Variants in SWT1 observed in about 807,000 individuals in gnomAD.
SWT1 encodes the protein SWT1 RNA endoribonuclease homolog, also known as transcriptional protein SWT1.
In SWT1, 33 loss-of-function variants were observed where a neutral mutation model predicts 107.3. The observed-to-expected ratio is 0.31, with a 90% CI of 0.23 to 0.41. SWT1 has a LOEUF of 0.41. Among genes scored for constraint, SWT1 ranks in the 10% least tolerant of loss-of-function variants. The pLI is 1.00. For missense variants in SWT1, 898 were observed against 1,028.9 expected (o/e 0.87, Z 1.74); for synonymous variants, 345 against 348.3 (o/e 0.99, Z 0.11).
chr1:185,226,854 T>A, intron 15 of SWT1: 1 of 1,533,686 alleles, frequency 6.5e-7, no homozygotes, highest in Non-Finnish European at 8.8e-7. Flanking sequence ...TGCCTTCTTT[T>A]GAGCTACCCG....
At chr1:185,180,256 C>T (rs1035931646) in intron 5 of SWT1, 135 bp from the exon 6 acceptor site, 2 of 672,774 alleles carry the variant, frequency 3.0e-6, no homozygotes, top group Non-Finnish European at 5.3e-6. Flanking sequence ...GTCAGTGATG[C>T]TGCTAACCAT....
chr1:185,235,091 A>G (rs1660769536), intron 16 of SWT1, among the ~76,000 whole-genome samples: 1 of 152,144 alleles, frequency 6.6e-6, no homozygotes, highest in East Asian at 1.9e-4. Flanking sequence ...ACCAAAAGAA[A>G]AGTCCAGGAC....
At chr1:185,278,707 A>G (rs1408739801) in intron 18 of SWT1, among the ~76,000 whole-genome samples, 2 of 152,234 alleles carry the variant, frequency 1.3e-5, no homozygotes, top group Admixed American at 6.5e-5. Context: ...ACTGCATTGT[A>G]TAGTCATGCA....
chr1:185,178,905 A>G (rs1428068715), intron 5 of SWT1, among the ~76,000 whole-genome samples: 1 of 152,196 alleles, frequency 6.6e-6, no homozygotes, highest in Non-Finnish European at 1.5e-5. Flanking sequence ...TTTCCCAGTA[A>G]AGCATTTAGC....
chr1:185,217,387 A>G (rs978599556), intron 14 of SWT1, among the ~76,000 whole-genome samples: 1 of 152,160 alleles, frequency 6.6e-6, no homozygotes, highest in Non-Finnish European at 1.5e-5. Flanking sequence ...TTGTCAGATC[A>G]GCAGTGGGAT....
intron 11 of SWT1, 111 bp from the exon 12 acceptor site, chr1:185,204,589 A>G (rs1022677889): frequency 2.2e-6 from 1 of 460,912 alleles, no homozygotes; most frequent in African/African-American, 2.0e-5. Context: ...TGTTTTATAT[A>G]TAATTAAAAT....
rs1236381496 is a variant in SWT1, at chr1:185,180,184, T to TA, written c.967-198dup. ...GGGTGACAGAGTGAGACCCTGTCTT[T>TA]AAAAAAAAAGTTTGGGAGTAGGGGT... On this transcript the variant is annotated intron_variant, in intron 5 of 18. Coordinates refer to ENST00000367500, the MANE Select transcript of SWT1 (RefSeq NM_017673.7). Among the ~76,000 whole-genome samples the TA allele has an allele frequency of 4.6e-5, 7 of 151,312 alleles. No individual in the cohort carries two copies. In the East Asian group the frequency reaches 1.2e-3, roughly 25 times the overall value.
At chr1:185,187,236 T>A (rs1656565500) in intron 9 of SWT1, among the ~76,000 whole-genome samples, 1 of 151,132 alleles carries the variant, frequency 6.6e-6, no homozygotes, top group Admixed American at 6.6e-5. Context: ...ATTTTTGTAT[T>A]TTTAGTAGAG....
chr1:185,190,625 T>C lies in SWT1; in HGVS notation c.1506T>C (p.Ser502=). The C allele has an allele frequency of 6.2e-7, 1 of 1,605,062 alleles. No homozygotes were observed. The highest frequency in any genetic ancestry group is 8.5e-7 in the Non-Finnish European group (1 of 1,172,134). Residue 502 remains serine (S), a synonymous_variant, in exon 10 of 19, where the codon TCT becomes TCC. Transcript: ENST00000367500. Reference sequence around the variant, plus strand: ...AGCACCAGGAATTATTCCCTTGTTCTTTTGTTATTCTGTGCACGTGAGTTT... The same window carrying C: ...AGCACCAGGAATTATTCCCTTGTTCCTTTGTTATTCTGTGCACGTGAGTTT... ...CLQHQELFPC[S]FVILCTDDRN...
At chr1:185,211,521 A>C (rs1658804674) in intron 13 of SWT1, among the ~76,000 whole-genome samples, 1 of 152,202 alleles carries the variant, frequency 6.6e-6, no homozygotes, top group Non-Finnish European at 1.5e-5. Context: ...ATGGAGCAAC[A>C]TATTGGACAT....
chr1:185,175,932 A>G (rs1204603062), intron 5 of SWT1, among the ~76,000 whole-genome samples: 4 of 152,232 alleles, frequency 2.6e-5, no homozygotes, highest in Admixed American at 2.0e-4. Context: ...TCACTTAATA[A>G]GAGAATACAC....
intron 7 of SWT1, among the ~76,000 whole-genome samples, chr1:185,182,668 CAAAAAAAAA>C (rs59326029): frequency 3.0e-5 from 2 of 67,022 alleles, no homozygotes; most frequent in South Asian, 1.2e-3. Context: ...CTCTCTCTCT[CAAAAAAAAA>C]AAAAAAAAAA....
At chr1:185,218,410 A>C (rs1659387817) in intron 14 of SWT1, among the ~76,000 whole-genome samples, 1 of 152,142 alleles carries the variant, frequency 6.6e-6, no homozygotes, top group African/African-American at 2.4e-5. Context: ...CCTCGTGTCA[A>C]ATGATCCTCC....
At chr1:185,262,434 T>A (rs1275862622) in intron 16 of SWT1, 1 of 152,216 alleles carries the variant, frequency 6.6e-6, no homozygotes, top group Non-Finnish European at 1.5e-5. Flanking sequence ...ATTTAACAAC[T>A]AACTACTCAG....
At chr1:185,265,048 TTAAAAAA>T (rs1663276294) in intron 16 of SWT1, among the ~76,000 whole-genome samples, 1 of 152,110 alleles carries the variant, frequency 6.6e-6, no homozygotes, top group African/African-American at 2.4e-5. Context: ...CACCACCAAC[TTAAAAAA>T]TAAAAGATTT....
At chr1:185,258,005 T>C (rs971924537) in intron 16 of SWT1, 3 of 152,242 alleles carry the variant, frequency 2.0e-5, no homozygotes, top group African/African-American at 4.8e-5. Context: ...GCCACTACAC[T>C]TGGATCAGCC....
intron 13 of SWT1, among the ~76,000 whole-genome samples, chr1:185,212,322 G>C (rs1271775855): frequency 6.6e-6 from 1 of 152,104 alleles, no homozygotes; most frequent in Non-Finnish European, 1.5e-5. Context: ...TGATCTCAAA[G>C]TTAGTGTAAA....
chr1:185,240,737 A>G (rs1661202366), intron 16 of SWT1, among the ~76,000 whole-genome samples: 1 of 152,058 alleles, frequency 6.6e-6, no homozygotes, highest in Non-Finnish European at 1.5e-5. Context: ...TTGTGGCTTT[A>G]GTTTGGAATA....
At chr1:185,165,068 T>A (rs1207296831) in intron 2 of SWT1, among the ~76,000 whole-genome samples, 2 of 152,176 alleles carry the variant, frequency 1.3e-5, no homozygotes, top group Non-Finnish European at 2.9e-5. Flanking sequence ...GTAGGCTTAA[T>A]TTCAGTATTC....
Sources: gnomAD v4.1 joint callset for allele counts (sites outside exome capture counted in the v4.1 genomes callset) on GRCh38, gnomAD v4.1.1 for gene constraint, MANE v1.5 for transcripts, NCBI Gene and HGNC (gene_info 2026-07-23, HGNC 2026-07-21) for gene names.